Variants in NSF observed in about 807,000 individuals in gnomAD.
NSF encodes the protein vesicle-fusing ATPase.
In NSF, 14 loss-of-function variants were observed where a neutral mutation model predicts 50.3. The observed-to-expected ratio is 0.28, with a 90% CI of 0.18 to 0.44. NSF has a LOEUF of 0.44. Ranked by LOEUF, NSF falls within the 20% of genes least tolerant of loss-of-function variation. The probability of loss-of-function intolerance (pLI) is 1.00; values close to 1 mark genes in which losing one functional copy is unlikely to be tolerated. For missense variants in NSF, 218 were observed against 504.3 expected, an observed-to-expected ratio of 0.43 and a Z score of 5.44; for synonymous variants, 109 against 175.7, an observed-to-expected ratio of 0.62 and a Z score of 3.00.
chr17:46,715,228 C>T (rs2146269022), intron 15 of NSF, among the ~76,000 whole-genome samples: 1 of 152,300 alleles, frequency 6.6e-6, no homozygotes, highest in African/African-American at 2.4e-5. Flanking sequence ...CTTATAATAT[C>T]ATAGTTTATT....
chr17:46,753,455 T>A (rs2059203235), intron 19 of NSF, among the ~76,000 whole-genome samples: 1 of 152,244 alleles, frequency 6.6e-6, no homozygotes. Context: ...TTAATTTATT[T>A]TCCATTATGA....
intron 17 of NSF, among the ~76,000 whole-genome samples, chr17:46,735,023 C>A (rs988908910): frequency 6.6e-6 from 1 of 152,160 alleles, no homozygotes; most frequent in African/African-American, 2.4e-5. Flanking sequence ...GCACTCTAGC[C>A]TGAGTGATAG....
At chr17:46,714,017 C>T (rs1250064969) in intron 15 of NSF, 31 bp downstream of exon 15, 1 of 1,592,288 alleles carries the variant, frequency 6.3e-7, no homozygotes, top group Non-Finnish European at 8.5e-7. Flanking sequence ...TTTTAATTTC[C>T]TATCTCTTAA....
At chr17:46,744,768 T>G (rs2059110962) in intron 17 of NSF, among the ~76,000 whole-genome samples, 1 of 152,222 alleles carries the variant, frequency 6.6e-6, no homozygotes, top group Non-Finnish European at 1.5e-5. Context: ...TACTCGCTCA[T>G]TCTTCATCAT....
At chr17:46,707,805 G>A (rs879429609) in intron 13 of NSF, among the ~76,000 whole-genome samples, 17 of 152,132 alleles carry the variant, frequency 1.1e-4, no homozygotes, top group Non-Finnish European at 1.9e-4. Flanking sequence ...ATTGAGGTGG[G>A]TGGGTCACCT....
At chr17:46,737,669 A>C (rs1328292957) in intron 17 of NSF, among the ~76,000 whole-genome samples, 1 of 151,982 alleles carries the variant, frequency 6.6e-6, no homozygotes, top group Non-Finnish European at 1.5e-5. Context: ...AAAGATGTGA[A>C]AACATGATGC....
intron 1 of NSF, among the ~76,000 whole-genome samples, chr17:46,610,110 T>TCC (rs1361837571): frequency 8.2e-6 from 1 of 121,878 alleles, no homozygotes; most frequent in African/African-American, 3.1e-5. Context: ...TCTCTCTCTC[T>TCC]CTCTCTCTCT....
intron 15 of NSF, among the ~76,000 whole-genome samples, chr17:46,722,422 G>C (rs1053797940): frequency 6.6e-6 from 1 of 152,158 alleles, no homozygotes; most frequent in African/African-American, 2.4e-5. Flanking sequence ...GTACTAGTCT[G>C]GCTAGGGCAG....
chr17:46,721,815 T>C, intron 15 of NSF: 1 of 1,600,028 alleles, frequency 6.2e-7, no homozygotes, highest in South Asian at 1.1e-5. Flanking sequence ...GTACGGCTCC[T>C]GGGACACTTT....
Position 46,755,892 on chromosome 17 carries a change from C to A in NSF, c.*69C>A. On this transcript the variant is annotated 3_prime_UTR_variant, in exon 21 of 21. Transcript: ENST00000398238. ...AGGTGAAGATGGCCTAGGATCTTCA[C>A]TGTCTTACTCAAGATACTGGACTAA... 2 of 1,479,956 alleles carry A rather than the reference C, an allele frequency of 1.4e-6. No homozygotes were observed. The highest frequency in any genetic ancestry group is 1.9e-6 in the Non-Finnish European group (2 of 1,069,088). The allele number at this position is 1,479,956 out of a possible 1,614,324, so 91.7% of individuals were successfully genotyped here. A position where few individuals can be genotyped will look rare whatever the true frequency, so the allele number is the denominator to read the frequency against.
Position 46,610,027 on chromosome 17 carries a change from T to TTCTTTC in NSF, c.13-14214_13-14213insTTCTCT, listed in dbSNP as rs774244394. ...TTTCTCTCTTTCTTTCTTTCTTTCT[T>TTCTTTC]TCTCTCTCTCTCTCTCTTTCTTTCT... is the stretch of plus-strand genomic sequence containing the variant. On this transcript the variant is annotated intron_variant, in intron 1 of 20. Transcript: ENST00000398238. Among the ~76,000 whole-genome samples, 65 of 109,490 alleles carry TTCTTTC rather than the reference T, an allele frequency of 5.9e-4. 1 individual carries two copies. Among genetic ancestry groups the TTCTTTC allele is most frequent in the East Asian group, 1.3e-3 (6 of 4,780 alleles). The allele number at this position is 109,490 out of a possible 152,430, so 71.8% of individuals were successfully genotyped here.
At chr17:46,610,429 G>A (rs887114018) in intron 1 of NSF, among the ~76,000 whole-genome samples, 1 of 17,226 alleles carries the variant, frequency 5.8e-5, no homozygotes, top group Non-Finnish European at 1.1e-4. Flanking sequence ...GCATTCCCTT[G>A]TTGGGACAGG....
Position 46,731,503 on chromosome 17 carries a change from C to G in NSF, c.1908+2569C>G, listed in dbSNP as rs1190191378. On this transcript the variant is annotated intron_variant, in intron 17 of 20. Coordinates refer to ENST00000398238, the MANE Select transcript of NSF (RefSeq NM_006178.4). ...AAACTGTGTGCTCTGTGAACCATAT[C>G]TCAAGCGATTACATTTTTTAGAAGT... 2.0e-5 allele frequency among the ~76,000 whole-genome samples: 3 copies of G among 152,106 alleles called. No individual in the cohort carries two copies. The East Asian group carries it at 5.8e-4, about 29-fold the overall frequency.
At position 46,610,027 on chromosome 17, in the gene NSF, T is replaced by TTCTTTCTTTCTCTC. The variant is rs774244394; in HGVS notation, c.13-14214_13-14213insTTCTTTCTCTCTCT. Among the ~76,000 whole-genome samples the TTCTTTCTTTCTCTC allele has an allele frequency of 1.2e-3, 132 of 109,498 alleles. 4 individuals carry two copies. Among genetic ancestry groups the TTCTTTCTTTCTCTC allele is most frequent in the African/African-American group, 3.7e-3 (114 of 30,430 alleles). The allele number at this position is 109,498 out of a possible 152,430, so 71.8% of individuals were successfully genotyped here. A position where few individuals can be genotyped will look rare whatever the true frequency, so the allele number is the denominator to read the frequency against. Reference sequence around the variant, plus strand: ...TTTCTCTCTTTCTTTCTTTCTTTCTTTCTCTCTCTCTCTCTCTTTCTTTCT... The same window carrying TTCTTTCTTTCTCTC: ...TTTCTCTCTTTCTTTCTTTCTTTCTTTCTTTCTTTCTCTCTCTCTCTCTCTCTCTCTTTCTTTCT... On this transcript the variant is annotated intron_variant, in intron 1 of 20. Transcript: ENST00000398238.
intron 19 of NSF, among the ~76,000 whole-genome samples, chr17:46,751,853 G>A (rs1263075714): frequency 1.3e-5 from 2 of 152,130 alleles, no homozygotes; most frequent in Non-Finnish European, 2.9e-5. Flanking sequence ...TTTTCATTTA[G>A]GGAGCCACTA....
intron 14 of NSF, among the ~76,000 whole-genome samples, chr17:46,712,607 G>A (rs1022620062): frequency 4.6e-5 from 7 of 152,206 alleles, no homozygotes; most frequent in Admixed American, 2.6e-4. Flanking sequence ...TGAGCAGCCT[G>A]TTGGATATGT....
In NSF at chr17:46,726,187, G is replaced by A. The variant is rs544921530; in HGVS notation, c.1762-362G>A. Among the ~76,000 whole-genome samples, 3 of 152,308 alleles carry A rather than the reference G, an allele frequency of 2.0e-5. No homozygotes were observed. The South Asian group carries it at 6.2e-4, about 32-fold the overall frequency. On this transcript the variant is annotated intron_variant, in intron 15 of 20. Transcript: ENST00000398238. ...CTTATAGATAATAAAATGGCATCTA[G>A]TTTTATTTTACACATCTCTTGTGGC...
chr17:46,755,674 CA>C (rs2059225864), intron 20 of NSF, 127 bp from the exon 21 acceptor site: 4 of 1,031,856 alleles, frequency 3.9e-6, no homozygotes, highest in Non-Finnish European at 4.2e-6. Context: ...CATCTAATAG[CA>C]AATGCATAGT....
At chr17:46,724,360 G>C (rs1401707204) in intron 15 of NSF, among the ~76,000 whole-genome samples, 2 of 152,190 alleles carry the variant, frequency 1.3e-5, no homozygotes, top group Non-Finnish European at 2.9e-5. Context: ...GGCTCAGACA[G>C]TGAGTTCTGT....
Sources: gnomAD v4.1 joint callset for allele counts (sites outside exome capture counted in the v4.1 genomes callset) on GRCh38, gnomAD v4.1.1 for gene constraint, MANE v1.5 for transcripts, NCBI Gene and HGNC (gene_info 2026-07-23, HGNC 2026-07-21) for gene names.